Variants in XKR9 observed in about 807,000 individuals in gnomAD.
XKR9 encodes the protein XK related 9.
A neutral mutation model predicts 32.0 loss-of-function variants in XKR9; 32 were observed. That is an observed-to-expected ratio of 1.00 (90% confidence interval 0.76 to 1.34). The LOEUF is 1.34. XKR9 is among the 40% of genes most tolerant of loss of function. XKR9 has a pLI of 0.00. For missense variants in XKR9, 546 were observed against 429.7 expected (o/e 1.27, Z -2.39); for synonymous variants, 168 against 143.4 (o/e 1.17, Z -1.22).
the XKR9 span, among the ~76,000 whole-genome samples, chr8:71,054,491 AGGGTAGG>A: frequency 1.3e-5 from 2 of 152,084 alleles, no homozygotes; most frequent in Non-Finnish European, 2.9e-5. Context: ...GCTGACACTA[AGGGTAGG>A]AGCCTGCTCT....
chr8:70,987,919 G>A, the XKR9 span, among the ~76,000 whole-genome samples: 1 of 152,202 alleles, frequency 6.6e-6, no homozygotes, highest in African/African-American at 2.4e-5. Context: ...TGCACTCACA[G>A]TCTCAACACC....
At chr8:71,020,209 G>C in the XKR9 span, among the ~76,000 whole-genome samples, 1 of 152,146 alleles carries the variant, frequency 6.6e-6, no homozygotes, top group Non-Finnish European at 1.5e-5. Flanking sequence ...CAAAATCTAC[G>C]AGGTGCTGCC....
the XKR9 span, among the ~76,000 whole-genome samples, chr8:71,028,908 A>AAGAGAGAG: frequency 2.0e-3 from 303 of 150,732 alleles, 2 homozygotes; most frequent in Middle Eastern, 0.01. Context: ...GACACACAGA[A>AAGAGAGAG]AGAGAGAGAG....
At chr8:71,024,613 TCCTTATA>T in the XKR9 span, among the ~76,000 whole-genome samples, 19 of 152,232 alleles carry the variant, frequency 1.2e-4, no homozygotes, top group East Asian at 3.5e-3. Context: ...TCCAGGGAGC[TCCTTATA>T]CCTGTCTCAG....
intron 2 of XKR9, among the ~76,000 whole-genome samples, chr8:70,763,441 G>C (rs1242686875): frequency 1.3e-5 from 2 of 152,164 alleles, no homozygotes; most frequent in Non-Finnish European, 2.9e-5. Flanking sequence ...AGAGATCTGG[G>C]TGTGAGGTAA....
At chr8:70,821,822 C>T in the XKR9 span, among the ~76,000 whole-genome samples, 11 of 152,294 alleles carry the variant, frequency 7.2e-5, no homozygotes, top group African/African-American at 2.6e-4. Flanking sequence ...CCCATGAAAC[C>T]ATTTTTTCCT....
chr8:70,898,004 C>A, the XKR9 span, among the ~76,000 whole-genome samples: 3 of 152,156 alleles, frequency 2.0e-5, no homozygotes, highest in Admixed American at 6.5e-5. Flanking sequence ...TGTCCTGAAG[C>A]TTTTCCCCAA....
chr8:71,012,234 A>G, the XKR9 span, among the ~76,000 whole-genome samples: 2 of 152,190 alleles, frequency 1.3e-5, no homozygotes, highest in Non-Finnish European at 2.9e-5. Context: ...TTAAGAGTTA[A>G]AGAAAAAGAC....
the XKR9 span, among the ~76,000 whole-genome samples, chr8:70,859,634 C>T: frequency 6.6e-6 from 1 of 152,078 alleles, no homozygotes; most frequent in African/African-American, 2.4e-5. Context: ...GGTATATATA[C>T]ACAATGGAAT....
chr8:70,947,148 A>G, the XKR9 span, among the ~76,000 whole-genome samples: 1 of 152,240 alleles, frequency 6.6e-6, no homozygotes, highest in South Asian at 2.1e-4. Flanking sequence ...CCAAATCATA[A>G]ATCATAAGTT....
Position 70,725,022 on chromosome 8 carries a change from A to G in XKR9, c.494-8774A>G, listed in dbSNP as rs552853886. Among the ~76,000 whole-genome samples the G allele has an allele frequency of 3.9e-5, 6 of 152,272 alleles. No homozygotes were observed. In the South Asian group the frequency reaches 1.2e-3, roughly 32 times the overall value. ...AAACTTACAATCATGGCAGACGGGG[A>G]AGCAAACACATCCTTCTTTACGTGG... On this transcript the variant is annotated intron_variant, in intron 4 of 4. Coordinates refer to ENST00000408926, the MANE Select transcript of XKR9 (RefSeq NM_001011720.2).
At chr8:70,913,010 GA>G in the XKR9 span, among the ~76,000 whole-genome samples, 3 of 152,000 alleles carry the variant, frequency 2.0e-5, no homozygotes, top group African/African-American at 7.2e-5. Flanking sequence ...TCTAGCACAT[GA>G]AAAAAACTAA....
At chr8:70,805,924 G>A in the XKR9 span, among the ~76,000 whole-genome samples, 1 of 152,146 alleles carries the variant, frequency 6.6e-6, no homozygotes, top group Non-Finnish European at 1.5e-5. Context: ...CATTAAATGG[G>A]TCCTGTTCCC....
chr8:70,865,432 A>G, the XKR9 span, among the ~76,000 whole-genome samples: 1 of 152,100 alleles, frequency 6.6e-6, no homozygotes, highest in Non-Finnish European at 1.5e-5. Context: ...GCCAGAGCTT[A>G]TAGTTCCGGT....
chr8:71,029,888 A>G, the XKR9 span, among the ~76,000 whole-genome samples: 6 of 152,102 alleles, frequency 3.9e-5, no homozygotes, highest in Admixed American at 2.0e-4. Flanking sequence ...TGAGGTGTAA[A>G]ATCAGCATTG....
At chr8:70,886,419 T>C in the XKR9 span, among the ~76,000 whole-genome samples, 1 of 152,204 alleles carries the variant, frequency 6.6e-6, no homozygotes, top group African/African-American at 2.4e-5. Context: ...ATGGGGTTGC[T>C]GGGTCAAATG....
At chr8:70,767,903 G>T (rs1394970276) in intron 2 of XKR9, among the ~76,000 whole-genome samples, 1 of 151,976 alleles carries the variant, frequency 6.6e-6, no homozygotes, top group African/African-American at 2.4e-5. Context: ...TTTTTGAAGG[G>T]TTTTTCATGT....
At chr8:70,694,763 T>C (rs900209817) in intron 3 of XKR9, among the ~76,000 whole-genome samples, 1 of 152,232 alleles carries the variant, frequency 6.6e-6, no homozygotes, top group Admixed American at 6.5e-5. Context: ...AAATGGGGCC[T>C]GTGGGCTGTT....
chr8:70,829,280 A>C, the XKR9 span, among the ~76,000 whole-genome samples: 2 of 149,328 alleles, frequency 1.3e-5, no homozygotes, highest in Non-Finnish European at 3.0e-5. Context: ...AGGAAAATAT[A>C]AGTAAGTTAA....
Sources: gnomAD v4.1 joint callset for allele counts (sites outside exome capture counted in the v4.1 genomes callset) on GRCh38, gnomAD v4.1.1 for gene constraint, MANE v1.5 for transcripts, NCBI Gene and HGNC (gene_info 2026-07-23, HGNC 2026-07-21) for gene names.